PI4KA: variants seen among roughly 807,000 people sequenced by gnomAD.
PI4KA encodes the protein phosphatidylinositol 4-kinase alpha.
In PI4KA, 122 loss-of-function variants were observed where a neutral mutation model predicts 271.4. The observed-to-expected ratio is 0.45, with a 90% CI of 0.39 to 0.52. The LOEUF (loss-of-function observed/expected upper bound fraction) is 0.52. Ranked by LOEUF, PI4KA falls within the 20% of genes least tolerant of loss-of-function variation. The pLI is 0.00. For missense variants in PI4KA, 1,969 were observed against 2,769.1 expected, an observed-to-expected ratio of 0.71 and a Z score of 6.48; for synonymous variants, 1,041 against 1,078.8, an observed-to-expected ratio of 0.96 and a Z score of 0.69.
chr22:20,808,085 G>A (rs1935770641), intron 9 of PI4KA, among the ~76,000 whole-genome samples: 1 of 150,842 alleles, frequency 6.6e-6, no homozygotes, highest in South Asian at 2.1e-4. Context: ...GAGGTCGGGA[G>A]TTTGAGACCA....
intron 1 of PI4KA, 98 bp downstream of exon 1, chr22:20,858,472 G>A: frequency 2.2e-6 from 2 of 906,806 alleles, no homozygotes; most frequent in Non-Finnish European, 2.9e-6. Flanking sequence ...CTGCCGGCGA[G>A]CCCAGCCTCG....
Position 20,721,361 on chromosome 22 carries a change from G to A in PI4KA, c.5053C>T (p.His1685Tyr). ...GTCTTCATGTTCCAGATGAACTGGT[G>A]TGCCAGAAGCTGGGATTTAGACGCT... is the stretch of plus-strand genomic sequence containing the variant. ...WAASKSQLLAHQFIWNMKTNI... is the reference protein window; with the variant it reads ...WAASKSQLLAYQFIWNMKTNI... Residue 1685 changes from histidine to tyrosine, a missense_variant, in exon 43 of 55, where the codon CAC becomes TAC. Physicochemically the swap from His to Tyr is moderately conservative, Grantham distance 83. Transcript: ENST00000255882. The A allele has an allele frequency of 6.2e-7, 1 of 1,613,834 alleles. No homozygotes were observed. The highest frequency in any genetic ancestry group is 1.1e-5 in the South Asian group (1 of 91,070).
In PI4KA at chr22:20,732,907, C is replaced by G. The variant is rs532406402; in HGVS notation, c.4288+64G>C. ...GTCCCTACCTCTGGCACCCTCGGGG[C>G]AGCCCACGTGGCACCCCTGTCCTGC... On this transcript the variant is annotated intron_variant, in intron 36 of 54. Transcript: ENST00000255882. 179 of 1,600,318 alleles carry G rather than the reference C, an allele frequency of 1.1e-4. 1 individual carries two copies. The highest frequency in any genetic ancestry group is 4.5e-4 in the Middle Eastern group (2 of 4,408).
At chr22:20,828,761 G>T (rs1923774727) in intron 3 of PI4KA, among the ~76,000 whole-genome samples, 1 of 151,966 alleles carries the variant, frequency 6.6e-6, no homozygotes, top group Admixed American at 6.6e-5. Flanking sequence ...CACCATGTTG[G>T]CCAGGATGGT....
chr22:20,832,282 G>A (rs906247154), intron 3 of PI4KA, among the ~76,000 whole-genome samples: 32 of 150,706 alleles, frequency 2.1e-4, no homozygotes, highest in Middle Eastern at 3.3e-3. Flanking sequence ...ACACCCAGCC[G>A]ATTTTTGTAT....
At chr22:20,727,666 A>T in intron 40 of PI4KA, 108 bp downstream of exon 40, 1 of 818,048 alleles carries the variant, frequency 1.2e-6, no homozygotes, top group Non-Finnish European at 2.0e-6. Flanking sequence ...ATAGCACTGA[A>T]GTTGCCAAGC....
At chr22:20,809,275 T>C (rs557624502) in intron 9 of PI4KA, among the ~76,000 whole-genome samples, 58 of 152,176 alleles carry the variant, frequency 3.8e-4, no homozygotes, top group African/African-American at 1.3e-3. Flanking sequence ...TAAGCCTCAG[T>C]TTCCCCATAT....
chr22:20,739,727 G>A (rs533717883), intron 32 of PI4KA, among the ~76,000 whole-genome samples: 1 of 152,240 alleles, frequency 6.6e-6, no homozygotes, highest in South Asian at 2.1e-4. Context: ...AAGAATGCAT[G>A]AAGGTAAGAG....
At position 20,838,735 on chromosome 22, in the gene PI4KA, G is replaced by C; in HGVS notation, c.157-4C>G. The C allele has an allele frequency of 6.4e-7, 1 of 1,557,192 alleles. No homozygotes were observed. The highest frequency in any genetic ancestry group is 1.7e-5 in the Admixed American group (1 of 58,382). On this transcript the variant is annotated splice_region_variant and splice_polypyrimidine_tract_variant and intron_variant, in intron 1 of 54. Coordinates refer to ENST00000255882, the MANE Select transcript of PI4KA (RefSeq NM_058004.4). ...ACATGCAAAGAAGCTTTTGGACCTA[G>C]AAAATGAGACCCCCCCAAAAACAGC...
chr22:20,846,011 A>C (rs1352241507), intron 1 of PI4KA, among the ~76,000 whole-genome samples: 1 of 152,250 alleles, frequency 6.6e-6, no homozygotes, highest in South Asian at 2.1e-4. Context: ...TAATCCCAAC[A>C]CTTTGGGAGG....
chr22:20,776,394 C>A (rs1431714470), intron 19 of PI4KA, among the ~76,000 whole-genome samples: 1 of 152,154 alleles, frequency 6.6e-6, no homozygotes, highest in Admixed American at 6.5e-5. Flanking sequence ...GGCACTGCAG[C>A]CTGAGGCAGG....
chr22:20,755,402 T>C (rs1931173801), intron 23 of PI4KA, among the ~76,000 whole-genome samples: 1 of 152,076 alleles, frequency 6.6e-6, no homozygotes, highest in South Asian at 2.1e-4. Flanking sequence ...ATCAACCATT[T>C]CTCCATGGAG....
At chr22:20,800,698 TAA>T (rs61390860) in intron 14 of PI4KA, among the ~76,000 whole-genome samples, 14 of 119,390 alleles carry the variant, frequency 1.2e-4, no homozygotes, top group Non-Finnish European at 1.2e-4. Flanking sequence ...CCATCTCTAC[TAA>T]AAAAAAAAAA....
intron 19 of PI4KA, chr22:20,786,874 G>T (rs1229244202): frequency 5.6e-6 from 9 of 1,614,046 alleles, no homozygotes; most frequent in Non-Finnish European, 7.6e-6. Flanking sequence ...TTTCCAAACA[G>T]TTCAAGCACC....
At position 20,825,069 on chromosome 22, in the gene PI4KA, C is replaced by CAAA. The variant is rs362248; in HGVS notation, c.368-658_368-656dup. ...TGGGTGACAGAATGAGACGCCATCT[C>CAAA]AAAAAAAAAAAAAAAAATCAATTTT... On this transcript the variant is annotated intron_variant, in intron 3 of 54. Coordinates refer to ENST00000255882, the MANE Select transcript of PI4KA (RefSeq NM_058004.4). 5.2e-5 allele frequency among the ~76,000 whole-genome samples: 4 copies of CAAA among 76,908 alleles called. 1 individual carries two copies. The highest frequency in any genetic ancestry group is 9.0e-5 in the Non-Finnish European group (4 of 44,526). 50.5% of individuals were successfully genotyped at this position (76,908 alleles called of 152,430 possible).
At chr22:20,750,235 A>G (rs921501924) in intron 27 of PI4KA, among the ~76,000 whole-genome samples, 1 of 152,188 alleles carries the variant, frequency 6.6e-6, no homozygotes, top group Non-Finnish European at 1.5e-5. Flanking sequence ...TGTGCAGAGG[A>G]AATCTGGACA....
chr22:20,772,263 G>A lies in PI4KA; in HGVS notation c.2329-6570C>T, dbSNP rs117423110. On this transcript the variant is annotated intron_variant, in intron 19 of 54. Coordinates refer to ENST00000255882, the MANE Select transcript of PI4KA (RefSeq NM_058004.4). ...GTGACGCCTCGGTGAAACCAAGAGCGAACAGTGAGAGCAGCGGCCACCTGC... is the reference window on the plus strand; with the variant it reads ...GTGACGCCTCGGTGAAACCAAGAGCAAACAGTGAGAGCAGCGGCCACCTGC... Among the ~76,000 whole-genome samples, 909 of 152,330 alleles carry A rather than the reference G, an allele frequency of 6.0e-3. 8 individuals are homozygous for A. The highest frequency in any genetic ancestry group is 0.055 in the East Asian group (286 of 5,178).
chr22:20,780,699 C>T (rs2147486963), intron 19 of PI4KA, among the ~76,000 whole-genome samples: 1 of 147,016 alleles, frequency 6.8e-6, no homozygotes, highest in African/African-American at 2.5e-5. Flanking sequence ...TCACTTGAAC[C>T]TGGAAGGCAG....
chr22:20,811,069 T>TA (rs756881870), intron 8 of PI4KA, 37 bp from the exon 9 acceptor site: 4 of 1,486,826 alleles, frequency 2.7e-6, no homozygotes. Flanking sequence ...GCAACTGACA[T>TA]ACACAGAGAC....
Sources: gnomAD v4.1 joint callset for allele counts (sites outside exome capture counted in the v4.1 genomes callset) on GRCh38, gnomAD v4.1.1 for gene constraint, MANE v1.5 for transcripts, NCBI Gene and HGNC (gene_info 2026-07-23, HGNC 2026-07-21) for gene names.